Variants in SNTG2 observed in about 807,000 individuals in gnomAD.
SNTG2 encodes the protein syntrophin gamma 2.
In SNTG2, 74 loss-of-function variants were observed where a neutral mutation model predicts 70.9. The ratio of observed to expected loss-of-function variants is 1.04; its 90% CI spans 0.86 to 1.27. The LOEUF (loss-of-function observed/expected upper bound fraction) is 1.27. Ranked by LOEUF, SNTG2 falls within the 50% of genes most tolerant of loss-of-function variation. SNTG2 has a pLI of 0.00. For synonymous variants in SNTG2, 278 were observed against 273.8 expected, an observed-to-expected ratio of 1.02 and a Z score of -0.15; for missense variants, 717 against 690.7, an observed-to-expected ratio of 1.04 and a Z score of -0.43.
At chr2:1,361,750 G>A (rs1661164908) in intron 16 of SNTG2, among the ~76,000 whole-genome samples, 1 of 152,062 alleles carries the variant, frequency 6.6e-6, no homozygotes, top group Non-Finnish European at 1.5e-5. Context: ...GAACTTCCAT[G>A]AAGGTCACCG....
chr2:1,185,416 G>A lies in SNTG2; in HGVS notation c.591+12233G>A, dbSNP rs534351598. 1.5e-4 allele frequency among the ~76,000 whole-genome samples: 23 copies of A among 152,228 alleles called. No individual in the cohort carries two copies. The Middle Eastern group carries it at 0.01, about 68-fold the overall frequency. ...GAGACTCTGTGTGGGAGCTCCAACC[G>A]CACATTTCCCCTCTGCACTGCCCTA... On this transcript the variant is annotated intron_variant, in intron 8 of 16. Transcript: ENST00000308624.
At chr2:1,351,477 G>T (rs10184150) in intron 16 of SNTG2, among the ~76,000 whole-genome samples, 2 of 152,116 alleles carry the variant, frequency 1.3e-5, no homozygotes, top group African/African-American at 2.4e-5. Flanking sequence ...GGAGTAACCT[G>T]TTCACGATTA....
chr2:1,257,202 C>A (rs1213375407), intron 12 of SNTG2, among the ~76,000 whole-genome samples: 1 of 152,070 alleles, frequency 6.6e-6, no homozygotes, highest in African/African-American at 2.4e-5. Context: ...TCTTCAAGTC[C>A]ACAATAGAAA....
rs754786251 is a variant in SNTG2 at position 1,119,552 on chromosome 2, GTT to G, written c.326-18057_326-18056del. Reference sequence around the variant, plus strand: ...ACTGTGGAGGAGAAGTTAAAGGCTCGTTTTTTTTTTTTTTGTATAAAAAAATG... The same window carrying G: ...ACTGTGGAGGAGAAGTTAAAGGCTCGTTTTTTTTTTTTGTATAAAAAAATG... On this transcript the variant is annotated intron_variant, in intron 4 of 16. Coordinates refer to ENST00000308624, the MANE Select transcript of SNTG2 (RefSeq NM_018968.4). Among the ~76,000 whole-genome samples, 716 of 140,470 alleles carry G rather than the reference GTT, an allele frequency of 5.1e-3. 13 individuals carry two copies. In the East Asian group the frequency reaches 0.057, roughly 11 times the overall value. 92.2% of individuals were successfully genotyped at this position (140,470 alleles called of 152,430 possible).
intron 14 of SNTG2, among the ~76,000 whole-genome samples, chr2:1,276,676 T>C (rs1679282686): frequency 6.6e-6 from 1 of 152,220 alleles, no homozygotes; most frequent in South Asian, 2.1e-4. Context: ...AGGTCACAAG[T>C]CAAGGACTAA....
At chr2:1,236,950 C>CTTTT (rs34225491) in intron 9 of SNTG2, among the ~76,000 whole-genome samples, 4,550 of 148,154 alleles carry the variant, frequency 0.031, 102 homozygotes, top group Middle Eastern at 0.091. Context: ...TTCTTTTTTT[C>CTTTT]TTTTTTTTTT....
intron 12 of SNTG2, among the ~76,000 whole-genome samples, chr2:1,255,927 A>ATAAATAT (rs1558603134): frequency 0.025 from 929 of 36,498 alleles, 14 homozygotes; most frequent in Admixed American, 0.07. Context: ...TAAATATATA[A>ATAAATAT]ATATATAAAT....
intron 1 of SNTG2, among the ~76,000 whole-genome samples, chr2:1,023,245 C>T (rs1660295672): frequency 1.3e-5 from 2 of 151,922 alleles, no homozygotes; most frequent in African/African-American, 4.8e-5. Flanking sequence ...GAGTAATCAC[C>T]CCCCAGCCTG....
chr2:1,213,680 A>C (rs73173527), intron 9 of SNTG2, among the ~76,000 whole-genome samples: 209 of 152,306 alleles, frequency 1.4e-3, no homozygotes, highest in African/African-American at 4.8e-3. Context: ...TGGACACAGC[A>C]ATTAACCTTA....
intron 1 of SNTG2, among the ~76,000 whole-genome samples, chr2:969,480 C>G (rs1660672006): frequency 6.6e-6 from 1 of 152,038 alleles, no homozygotes; most frequent in Non-Finnish European, 1.5e-5. Context: ...ACTATTGATT[C>G]TTCTTATCCA....
At chr2:1,362,738 G>A (rs112262157) in intron 16 of SNTG2, among the ~76,000 whole-genome samples, 35,893 of 141,470 alleles carry the variant, frequency 0.25, 5,515 homozygotes, top group East Asian at 0.53. Context: ...AGTCACCGAC[G>A]CTGAGCATTT....
intron 7 of SNTG2, among the ~76,000 whole-genome samples, chr2:1,172,771 G>A (rs1474998530): frequency 1.3e-5 from 2 of 152,196 alleles, no homozygotes; most frequent in Non-Finnish European, 2.9e-5. Context: ...GCCTTGTGCT[G>A]ACCATTCCAG....
At chr2:1,172,467 T>G (rs925007305) in intron 7 of SNTG2, among the ~76,000 whole-genome samples, 2 of 152,142 alleles carry the variant, frequency 1.3e-5, no homozygotes, top group Admixed American at 6.5e-5. Flanking sequence ...AAATACAGCC[T>G]TTCTCCCTGA....
intron 13 of SNTG2, among the ~76,000 whole-genome samples, chr2:1,266,371 C>G (rs1030161470): frequency 1.3e-5 from 2 of 152,176 alleles, no homozygotes; most frequent in Non-Finnish European, 2.9e-5. Context: ...GGGGAGCTCC[C>G]CAGGCTGCTC....
At chr2:1,269,690 C>T (rs528062014) in intron 14 of SNTG2, among the ~76,000 whole-genome samples, 6 of 152,270 alleles carry the variant, frequency 3.9e-5, no homozygotes, top group Non-Finnish European at 8.8e-5. Context: ...AAAAATTAGG[C>T]TAATGCTCCA....
intron 14 of SNTG2, among the ~76,000 whole-genome samples, chr2:1,304,499 G>T (rs547220838): frequency 1.3e-5 from 2 of 152,234 alleles, no homozygotes; most frequent in South Asian, 4.2e-4. Flanking sequence ...GGCCAAGGCG[G>T]GTGGATCACT....
intron 1 of SNTG2, among the ~76,000 whole-genome samples, chr2:994,577 T>A (rs1459488600): frequency 1.3e-5 from 2 of 152,116 alleles, no homozygotes; most frequent in Non-Finnish European, 2.9e-5. Context: ...ATAAATCAGC[T>A]GGGATTTTGA....
intron 16 of SNTG2, among the ~76,000 whole-genome samples, chr2:1,333,386 T>C (rs950161147): frequency 2.6e-5 from 4 of 152,144 alleles, no homozygotes; most frequent in African/African-American, 9.7e-5. Flanking sequence ...GAAAGTAATC[T>C]ACAAATTCAG....
chr2:1,106,266 C>T (rs867466140), intron 4 of SNTG2, among the ~76,000 whole-genome samples: 1 of 113,682 alleles, frequency 8.8e-6, no homozygotes, highest in Non-Finnish European at 1.8e-5. Context: ...ATGGAGAGCT[C>T]CTTGGTAATA....
Sources: allele counts gnomAD v4.1 joint callset (sites outside exome capture counted in the v4.1 genomes callset), GRCh38; gene constraint gnomAD v4.1.1; transcripts MANE v1.5; gene names NCBI Gene and HGNC (gene_info 2026-07-23, HGNC 2026-07-21).